The following DYNC1I1 variants were observed in gnomAD, a reference collection of about 807,000 sequenced individuals.
DYNC1I1 encodes the protein cytoplasmic dynein 1 intermediate chain 1.
In DYNC1I1, 43 loss-of-function variants were observed where a neutral mutation model predicts 86.6. That is an observed-to-expected ratio of 0.50 (90% CI 0.39 to 0.64). The LOEUF (loss-of-function observed/expected upper bound fraction) is 0.64, where lower values mean the gene tolerates loss of function less well. Among genes scored for constraint, DYNC1I1 ranks in the 30% least tolerant of loss-of-function variants. DYNC1I1 has a pLI of 0.00. For missense variants in DYNC1I1, 604 were observed against 788.8 expected (o/e 0.77, Z 2.81); for synonymous variants, 262 against 283.7 (o/e 0.92, Z 0.77).
chr7:95,871,816 AT>A (rs2116176942), intron 6 of DYNC1I1, among the ~76,000 whole-genome samples: 1 of 152,274 alleles, frequency 6.6e-6, no homozygotes, highest in African/African-American at 2.4e-5. Flanking sequence ...GGGGGAATTT[AT>A]TTCTCAGCTA....
intron 10 of DYNC1I1, among the ~76,000 whole-genome samples, chr7:96,001,312 A>G (rs995789768): frequency 1.3e-5 from 2 of 152,134 alleles, no homozygotes; most frequent in Non-Finnish European, 2.9e-5. Flanking sequence ...ACCTCCAGCC[A>G]TTCACTGAGG....
intron 6 of DYNC1I1, among the ~76,000 whole-genome samples, chr7:95,970,687 A>C (rs1448086508): frequency 2.6e-5 from 4 of 152,226 alleles, no homozygotes; most frequent in African/African-American, 9.6e-5. Flanking sequence ...AGTAATTTCC[A>C]GAACAGTCTC....
At chr7:95,885,176 C>CT (rs1009873697) in intron 6 of DYNC1I1, among the ~76,000 whole-genome samples, 1 of 151,010 alleles carries the variant, frequency 6.6e-6, no homozygotes, top group Non-Finnish European at 1.5e-5. Flanking sequence ...TCTTCTTCTT[C>CT]TTTTTTTTTG....
At chr7:96,025,840 CGG>C (rs3216255) in intron 10 of DYNC1I1, among the ~76,000 whole-genome samples, 128 of 150,128 alleles carry the variant, frequency 8.5e-4, no homozygotes, top group South Asian at 3.8e-3. Context: ...TACAAGCTTG[CGG>C]GGGGGGGATA....
intron 1 of DYNC1I1, among the ~76,000 whole-genome samples, chr7:95,783,578 T>C (rs1794052370): frequency 6.6e-6 from 1 of 152,236 alleles, no homozygotes; most frequent in African/African-American, 2.4e-5. Context: ...AAGTACAATG[T>C]GGATTCAAAG....
intron 6 of DYNC1I1, among the ~76,000 whole-genome samples, chr7:95,924,156 G>T (rs1791681892): frequency 6.6e-6 from 1 of 152,084 alleles, no homozygotes; most frequent in South Asian, 2.1e-4. Flanking sequence ...TGCACTGCTG[G>T]GTTTATGAAA....
chr7:96,109,928 T>G, intron 16 of DYNC1I1: 1 of 238,838 alleles, frequency 4.2e-6, no homozygotes, highest in Non-Finnish European at 8.5e-6. Context: ...TCAAATCTTC[T>G]ATATATGTAC....
intron 1 of DYNC1I1, among the ~76,000 whole-genome samples, chr7:95,799,314 G>C (rs1209206383): frequency 2.0e-5 from 3 of 152,164 alleles, no homozygotes; most frequent in Non-Finnish European, 4.4e-5. Flanking sequence ...AGGAGGTGGA[G>C]GTTGCAGTGA....
At chr7:95,956,352 G>A (rs187736017) in intron 6 of DYNC1I1, among the ~76,000 whole-genome samples, 10 of 151,262 alleles carry the variant, frequency 6.6e-5, no homozygotes, top group Non-Finnish European at 1.3e-4. Context: ...TACACAACAG[G>A]TGCTCAATAA....
intron 6 of DYNC1I1, among the ~76,000 whole-genome samples, chr7:95,892,513 G>T (rs894895505): frequency 5.3e-5 from 8 of 152,032 alleles, no homozygotes; most frequent in African/African-American, 1.9e-4. Context: ...GGGTTTCACT[G>T]TGTAAGCCAG....
rs1793540393 is a variant in DYNC1I1 at position 95,984,716 on chromosome 7, T to A, written c.581-99T>A. 5.1e-6 allele frequency: 6 copies of A among 1,183,302 alleles called. No individual in the cohort carries two copies. The South Asian group carries it at 1.0e-4, about 21-fold the overall frequency. 73.3% of individuals were successfully genotyped at this position (1,183,302 alleles called of 1,614,324 possible). A position where few individuals can be genotyped will look rare whatever the true frequency, so the allele number is the denominator to read the frequency against. On this transcript the variant is annotated intron_variant, in intron 7 of 16. Coordinates refer to ENST00000447467, the MANE Select transcript of DYNC1I1 (RefSeq NM_001135556.2). ...TCACTGTGTCTTGCCACTCGTTTGA[T>A]AAGCAGTCTCTCTCAAGAATTGGGT...
intron 5 of DYNC1I1, among the ~76,000 whole-genome samples, chr7:95,854,486 A>T (rs1380248859): frequency 2.0e-5 from 3 of 152,112 alleles, no homozygotes; most frequent in Admixed American, 1.3e-4. Flanking sequence ...CTTATATTGC[A>T]TATCCCTTAA....
intron 6 of DYNC1I1, among the ~76,000 whole-genome samples, chr7:95,870,882 G>A (rs1311475367): frequency 1.0e-5 from 1 of 98,566 alleles, no homozygotes; most frequent in African/African-American, 5.3e-5. Flanking sequence ...AGAGGCTAAC[G>A]TTGTTATAGC....
chr7:96,019,406 G>T (rs1794485538), intron 10 of DYNC1I1, among the ~76,000 whole-genome samples: 1 of 151,224 alleles, frequency 6.6e-6, no homozygotes, highest in Admixed American at 6.6e-5. Flanking sequence ...ATAAGCTTAG[G>T]AACCATTAAT....
intron 14 of DYNC1I1, among the ~76,000 whole-genome samples, chr7:96,066,474 G>C (rs181775796): frequency 1.3e-3 from 194 of 152,348 alleles, no homozygotes; most frequent in African/African-American, 4.4e-3. Flanking sequence ...CCAGTGATTT[G>C]CAGACATGGT....
At chr7:96,025,034 A>G (rs141750825) in intron 10 of DYNC1I1, among the ~76,000 whole-genome samples, 324 of 152,286 alleles carry the variant, frequency 2.1e-3, no homozygotes, top group African/African-American at 7.3e-3. Flanking sequence ...CTATAAATAT[A>G]TCTATACACA....
intron 6 of DYNC1I1, among the ~76,000 whole-genome samples, chr7:95,903,515 A>G (rs574185334): frequency 3.9e-5 from 6 of 152,198 alleles, no homozygotes; most frequent in Non-Finnish European, 8.8e-5. Context: ...GGATTAAAAG[A>G]TAGACCCACA....
At chr7:95,979,645 A>G (rs1371499297) in intron 7 of DYNC1I1, among the ~76,000 whole-genome samples, 1 of 152,184 alleles carries the variant, frequency 6.6e-6, no homozygotes, top group Admixed American at 6.5e-5. Flanking sequence ...AGTCCTTTAA[A>G]CTTGTTGGAG....
At chr7:96,095,904 C>T (rs1019131468) in intron 16 of DYNC1I1, among the ~76,000 whole-genome samples, 5 of 152,028 alleles carry the variant, frequency 3.3e-5, no homozygotes, top group African/African-American at 1.2e-4. Context: ...AAAAGGGTAT[C>T]AGAATCATTC....
Sources: allele counts gnomAD v4.1 joint callset (sites outside exome capture counted in the v4.1 genomes callset), GRCh38; gene constraint gnomAD v4.1.1; transcripts MANE v1.5; gene names NCBI Gene and HGNC (gene_info 2026-07-23, HGNC 2026-07-21).